CADM2: variants seen among roughly 807,000 people sequenced by gnomAD.
CADM2 encodes immunoglobulin superfamily member 4D.
A neutral mutation model predicts 49.8 loss-of-function variants in CADM2; 12 were observed. The observed-to-expected ratio is 0.24, with a 90% CI of 0.15 to 0.39. CADM2 has a LOEUF of 0.39. Among genes scored for constraint, CADM2 ranks in the 10% least tolerant of loss-of-function variants. CADM2 has a pLI of 1.00. For missense variants in CADM2, 378 were observed against 492.3 expected (o/e 0.77, Z 2.20); for synonymous variants, 214 against 175.4 (o/e 1.22, Z -1.74).
chr3:85,267,957 A>G (rs1028589677), intron 1 of CADM2, among the ~76,000 whole-genome samples: 3 of 151,666 alleles, frequency 2.0e-5, no homozygotes, highest in Non-Finnish European at 4.4e-5. Flanking sequence ...AACTCCTACA[A>G]TGTATTAGGC....
At chr3:85,703,213 T>G (rs780531097) in intron 1 of CADM2, among the ~76,000 whole-genome samples, 16 of 152,152 alleles carry the variant, frequency 1.1e-4, no homozygotes, top group Non-Finnish European at 1.9e-4. Context: ...ACTTTTGTTA[T>G]AGAGTTCTTC....
At chr3:85,315,071 T>C (rs1040972942) in intron 1 of CADM2, among the ~76,000 whole-genome samples, 3 of 152,198 alleles carry the variant, frequency 2.0e-5, no homozygotes, top group African/African-American at 7.2e-5. Flanking sequence ...TTGTGTCTTC[T>C]AGTTTCTGGC....
At chr3:85,395,119 TA>T (rs147833190) in intron 1 of CADM2, among the ~76,000 whole-genome samples, 242 of 147,318 alleles carry the variant, frequency 1.6e-3, no homozygotes, top group Admixed American at 2.6e-3. Flanking sequence ...ACCCCATCTC[TA>T]AAAAAAAAAT....
chr3:85,761,242 C>T (rs1351974485), intron 2 of CADM2, among the ~76,000 whole-genome samples: 1 of 151,826 alleles, frequency 6.6e-6, no homozygotes, highest in Non-Finnish European at 1.5e-5. Context: ...CTCTAACACA[C>T]ATAAGGTTTC....
At chr3:86,028,705 A>T (rs1371704003) in intron 8 of CADM2, among the ~76,000 whole-genome samples, 1 of 152,132 alleles carries the variant, frequency 6.6e-6, no homozygotes, top group African/African-American at 2.4e-5. Context: ...AGGAAAGGCC[A>T]TCACCTTTGA....
At chr3:85,068,280 A>T (rs2036594910) in intron 1 of CADM2, among the ~76,000 whole-genome samples, 1 of 152,092 alleles carries the variant, frequency 6.6e-6, no homozygotes, top group African/African-American at 2.4e-5. Flanking sequence ...ATTTATCTCA[A>T]CATCTATTTA....
chr3:85,349,571 A>T (rs1297267374), intron 1 of CADM2, among the ~76,000 whole-genome samples: 1 of 152,142 alleles, frequency 6.6e-6, no homozygotes, highest in African/African-American at 2.4e-5. Context: ...CGGTTTTGAG[A>T]ATTACTTCAT....
At chr3:85,189,043 A>T (rs948231044) in intron 1 of CADM2, among the ~76,000 whole-genome samples, 2 of 141,602 alleles carry the variant, frequency 1.4e-5, no homozygotes, top group Non-Finnish European at 3.1e-5. Flanking sequence ...AAAAATAATA[A>T]TAGTAATAAT....
At chr3:85,252,607 T>C (rs1330051336) in intron 1 of CADM2, among the ~76,000 whole-genome samples, 1 of 152,064 alleles carries the variant, frequency 6.6e-6, no homozygotes, top group Non-Finnish European at 1.5e-5. Flanking sequence ...ATTACTTTAT[T>C]CAATCCTTAT....
intron 1 of CADM2, among the ~76,000 whole-genome samples, chr3:85,150,223 T>G (rs1346537803): frequency 1.6e-4 from 24 of 152,178 alleles, no homozygotes; most frequent in Non-Finnish European, 8.8e-5. Context: ...CTGTATTTAC[T>G]GTAATAAGTA....
At chr3:85,109,053 C>G (rs1193190052) in intron 1 of CADM2, among the ~76,000 whole-genome samples, 1 of 151,974 alleles carries the variant, frequency 6.6e-6, no homozygotes, top group Non-Finnish European at 1.5e-5. Context: ...TTATTTATTA[C>G]TTATTAATTT....
intron 2 of CADM2, among the ~76,000 whole-genome samples, chr3:85,772,806 T>A (rs2070159419): frequency 6.6e-6 from 1 of 151,866 alleles, no homozygotes; most frequent in Non-Finnish European, 1.5e-5. Flanking sequence ...TTCTTTTTTT[T>A]TTTTCCCTCA....
intron 1 of CADM2, among the ~76,000 whole-genome samples, chr3:85,457,090 C>T (rs1395149123): frequency 6.6e-6 from 1 of 151,876 alleles, no homozygotes; most frequent in African/African-American, 2.4e-5. Context: ...AACTGTTTAT[C>T]AGATTCTTTA....
At chr3:85,923,402 TG>T (rs778980396) in intron 6 of CADM2, among the ~76,000 whole-genome samples, 3 of 152,080 alleles carry the variant, frequency 2.0e-5, no homozygotes, top group Non-Finnish European at 2.9e-5. Flanking sequence ...TTAAGAGGCT[TG>T]AGCTTCACTG....
chr3:85,555,752 T>C (rs1005259965), intron 1 of CADM2, among the ~76,000 whole-genome samples: 4 of 152,134 alleles, frequency 2.6e-5, no homozygotes, highest in African/African-American at 9.6e-5. Context: ...TTTTCTGAAG[T>C]TATATATAAG....
intron 1 of CADM2, among the ~76,000 whole-genome samples, chr3:85,234,799 C>T (rs1320139477): frequency 1.3e-5 from 2 of 152,104 alleles, no homozygotes; most frequent in African/African-American, 2.4e-5. Flanking sequence ...CAATTGCAAA[C>T]ATATTCACAA....
intron 3 of CADM2, among the ~76,000 whole-genome samples, chr3:85,879,251 T>G (rs1367429991): frequency 2.0e-5 from 3 of 151,782 alleles, no homozygotes; most frequent in Non-Finnish European, 2.9e-5. Context: ...AAATAGACAT[T>G]TTTTTTAAAG....
intron 1 of CADM2, among the ~76,000 whole-genome samples, chr3:85,010,045 T>G (rs2033916769): frequency 6.6e-6 from 1 of 152,086 alleles, no homozygotes; most frequent in South Asian, 2.1e-4. Flanking sequence ...TTACTTTTTT[T>G]TGCAAAATCC....
chr3:85,826,949 T>C (rs2096338968), intron 3 of CADM2, among the ~76,000 whole-genome samples: 1 of 151,972 alleles, frequency 6.6e-6, no homozygotes, highest in African/African-American at 2.4e-5. Flanking sequence ...TACATTCTGA[T>C]TACAAGATAA....
Sources: gnomAD v4.1 joint callset for allele counts (sites outside exome capture counted in the v4.1 genomes callset) on GRCh38, gnomAD v4.1.1 for gene constraint, MANE v1.5 for transcripts, NCBI Gene and HGNC (gene_info 2026-07-23, HGNC 2026-07-21) for gene names.